The following ACTR3C variants were observed in gnomAD, a reference collection of about 807,000 sequenced individuals.
ACTR3C encodes the protein actin related protein 3C, also known as actin-related protein 3C.
In ACTR3C, 18 loss-of-function variants were observed where a neutral mutation model predicts 26.3. That is an observed-to-expected ratio of 0.68 (90% CI 0.47 to 1.01). The LOEUF (loss-of-function observed/expected upper bound fraction) is 1.01. ACTR3C is among the 50% of genes least tolerant of loss of function. The pLI, the probability that ACTR3C is intolerant of heterozygous loss-of-function variation, is 0.00. For missense variants in ACTR3C, 184 were observed against 250.7 expected, an observed-to-expected ratio of 0.73 and a Z score of 1.80; for synonymous variants, 55 against 94.5, an observed-to-expected ratio of 0.58 and a Z score of 2.42.
chr7:150,309,815 G>A (rs991154055), intron 1 of ACTR3C, among the ~76,000 whole-genome samples: 1 of 152,194 alleles, frequency 6.6e-6, no homozygotes, highest in Non-Finnish European at 1.5e-5. Context: ...CGGCTTTGCG[G>A]CTGAAGACTG....
chr7:150,068,235 A>T, the ACTR3C span, among the ~76,000 whole-genome samples: 1 of 152,246 alleles, frequency 6.6e-6, no homozygotes, highest in East Asian at 1.9e-4. Flanking sequence ...AATAAAATAA[A>T]ATCAGTGCTC....
At chr7:150,055,798 G>T in the ACTR3C span, among the ~76,000 whole-genome samples, 1 of 151,446 alleles carries the variant, frequency 6.6e-6, no homozygotes, top group African/African-American at 2.4e-5. Context: ...GAACTGCAAA[G>T]AAAAAAAAGC....
intron 1 of ACTR3C, among the ~76,000 whole-genome samples, chr7:150,300,882 A>G (rs1244051176): frequency 2.0e-5 from 3 of 152,034 alleles, no homozygotes; most frequent in African/African-American, 7.2e-5. Context: ...TAGAAGTATA[A>G]ATGTTAGCGA....
At chr7:150,204,694 G>A in the ACTR3C span, among the ~76,000 whole-genome samples, 1 of 152,196 alleles carries the variant, frequency 6.6e-6, no homozygotes, top group Non-Finnish European at 1.5e-5. Context: ...TGCAGAGGAG[G>A]AGCAAGGAAC....
chr7:150,189,574 AC>A, the ACTR3C span, among the ~76,000 whole-genome samples: 1 of 128,804 alleles, frequency 7.8e-6, no homozygotes, highest in Non-Finnish European at 1.6e-5. Flanking sequence ...CCTAATTCTA[AC>A]CTCTGGCAGC....
At chr7:150,038,389 G>T in the ACTR3C span, among the ~76,000 whole-genome samples, 30 of 141,908 alleles carry the variant, frequency 2.1e-4, 4 homozygotes, top group Non-Finnish European at 3.7e-4. Flanking sequence ...GTCAGGTCGG[G>T]TGGGCTGCCA....
At chr7:150,096,481 A>C in the ACTR3C span, among the ~76,000 whole-genome samples, 7 of 151,532 alleles carry the variant, frequency 4.6e-5, no homozygotes, top group African/African-American at 1.5e-4. Context: ...CTTCTTTACC[A>C]TTCAGCAATC....
chr7:150,199,092 C>G, the ACTR3C span, among the ~76,000 whole-genome samples: 4 of 150,778 alleles, frequency 2.7e-5, no homozygotes, highest in Non-Finnish European at 4.4e-5. Flanking sequence ...GCCGCCCCCC[C>G]GTCTGGGAGG....
At chr7:150,045,920 G>T in the ACTR3C span, among the ~76,000 whole-genome samples, 3 of 152,016 alleles carry the variant, frequency 2.0e-5, no homozygotes, top group Non-Finnish European at 4.4e-5. Flanking sequence ...TTTCCTGTTT[G>T]CATTGCAGCT....
At chr7:149,995,496 A>C in the ACTR3C span, among the ~76,000 whole-genome samples, 1 of 152,260 alleles carries the variant, frequency 6.6e-6, no homozygotes, top group African/African-American at 2.4e-5. Context: ...TCGCACAGTA[A>C]ATAAGGCAGG....
At chr7:150,114,931 G>C in the ACTR3C span, among the ~76,000 whole-genome samples, 2 of 152,050 alleles carry the variant, frequency 1.3e-5, no homozygotes, top group African/African-American at 4.8e-5. Context: ...CCCAAGTATA[G>C]ATTTGAAATA....
chr7:149,980,013 T>C, the ACTR3C span, among the ~76,000 whole-genome samples: 2 of 151,992 alleles, frequency 1.3e-5, no homozygotes, highest in African/African-American at 4.8e-5. Flanking sequence ...TTTAAAAAAT[T>C]TGTATTACCC....
At chr7:150,202,799 A>C in the ACTR3C span, among the ~76,000 whole-genome samples, 311 of 152,354 alleles carry the variant, frequency 2.0e-3, 2 homozygotes, top group African/African-American at 7.3e-3. Context: ...GCAAGTGGCT[A>C]AAGTTTGGAG....
chr7:150,120,123 G>A, the ACTR3C span, among the ~76,000 whole-genome samples: 1,201 of 152,264 alleles, frequency 7.9e-3, 5 homozygotes, highest in Non-Finnish European at 0.013. Context: ...ACACCCACAT[G>A]AGAAAGCAAG....
chr7:149,907,394 C>T, the ACTR3C span, among the ~76,000 whole-genome samples: 2 of 148,024 alleles, frequency 1.4e-5, no homozygotes, highest in Non-Finnish European at 3.0e-5. Flanking sequence ...TGACCCAGGG[C>T]CTCACTTCCA....
At chr7:149,996,044 G>GGA in the ACTR3C span, among the ~76,000 whole-genome samples, 1 of 151,998 alleles carries the variant, frequency 6.6e-6, no homozygotes. Context: ...TCTCCTGGAT[G>GGA]GATGCGTGGG....
chr7:150,314,480 G>A (rs1426901245), intron 1 of ACTR3C, among the ~76,000 whole-genome samples: 2 of 152,106 alleles, frequency 1.3e-5, no homozygotes, highest in African/African-American at 4.8e-5. Context: ...AAAATAGGGT[G>A]GGGGCGATGG....
the ACTR3C span, among the ~76,000 whole-genome samples, chr7:150,042,367 G>A: frequency 1.5e-5 from 2 of 134,804 alleles, no homozygotes; most frequent in East Asian, 2.1e-4. Flanking sequence ...CCAGCGATGG[G>A]GGTCCTAAGA....
the ACTR3C span, among the ~76,000 whole-genome samples, chr7:150,198,059 C>T: frequency 3.3e-5 from 5 of 151,414 alleles, no homozygotes; most frequent in East Asian, 1.9e-4. Flanking sequence ...TTGGCCGGGC[C>T]GGTCTCCAGC....
Sources: allele counts gnomAD v4.1 joint callset (sites outside exome capture counted in the v4.1 genomes callset), GRCh38; gene constraint gnomAD v4.1.1; transcripts MANE v1.5; gene names NCBI Gene and HGNC (gene_info 2026-07-23, HGNC 2026-07-21).